Variants in PLCL2 observed in about 807,000 individuals in gnomAD.
PLCL2 encodes phospholipase C like 2.
In PLCL2, 4 loss-of-function variants were observed where a neutral mutation model predicts 79.6. The ratio of observed to expected loss-of-function variants is 0.05; its 90% CI spans 0.02 to 0.11. The LOEUF (loss-of-function observed/expected upper bound fraction) is 0.11. PLCL2 is among the 10% of genes least tolerant of loss of function. PLCL2 has a pLI of 1.00. For synonymous variants in PLCL2, 484 were observed against 457.7 expected, an observed-to-expected ratio of 1.06 and a Z score of -0.73; for missense variants, 895 against 1,291.0, an observed-to-expected ratio of 0.69 and a Z score of 4.70.
chr3:16,929,577 A>T (rs564272108), intron 1 of PLCL2, among the ~76,000 whole-genome samples: 4 of 152,288 alleles, frequency 2.6e-5, no homozygotes, highest in Admixed American at 6.5e-5. Flanking sequence ...CTGTGCACAG[A>T]TAGAACTTCC....
chr3:16,900,179 G>C (rs1411106321), intron 1 of PLCL2, among the ~76,000 whole-genome samples: 2 of 152,146 alleles, frequency 1.3e-5, no homozygotes, highest in Admixed American at 6.5e-5. Context: ...AGCAGTGACT[G>C]TTTACTAAAG....
chr3:17,080,726 C>T (rs1028522734), intron 5 of PLCL2, among the ~76,000 whole-genome samples: 1 of 152,234 alleles, frequency 6.6e-6, no homozygotes, highest in Non-Finnish European at 1.5e-5. Flanking sequence ...GCTGGGATTA[C>T]AGGTGTGAGC....
intron 5 of PLCL2, among the ~76,000 whole-genome samples, chr3:17,087,734 T>C (rs1645751613): frequency 6.6e-6 from 1 of 152,136 alleles, no homozygotes; most frequent in South Asian, 2.1e-4. Flanking sequence ...TAGAGAAGGT[T>C]TGCGTAGGGA....
At chr3:17,023,990 C>G (rs943518836) in intron 3 of PLCL2, among the ~76,000 whole-genome samples, 2 of 152,184 alleles carry the variant, frequency 1.3e-5, no homozygotes, top group African/African-American at 4.8e-5. Flanking sequence ...CAGCCTTTCC[C>G]TCTCTGCTGC....
At chr3:17,044,251 A>C (rs939070784) in intron 4 of PLCL2, 2 of 152,442 alleles carry the variant, frequency 1.3e-5, no homozygotes, top group Non-Finnish European at 2.9e-5. Context: ...GAGGAAGGGA[A>C]GGGATGGTGA....
intron 1 of PLCL2, among the ~76,000 whole-genome samples, chr3:17,002,779 A>T (rs1199692043): frequency 6.6e-6 from 1 of 152,140 alleles, no homozygotes; most frequent in Non-Finnish European, 1.5e-5. Flanking sequence ...TTCTAAAAAA[A>T]ATATGTATAT....
chr3:17,057,455 G>A (rs545336744), intron 4 of PLCL2, among the ~76,000 whole-genome samples: 1 of 152,296 alleles, frequency 6.6e-6, no homozygotes, highest in East Asian at 1.9e-4. Flanking sequence ...CCCAGAAAAA[G>A]AATGTGAATG....
At chr3:17,080,582 C>T (rs1387731035) in intron 5 of PLCL2, among the ~76,000 whole-genome samples, 1 of 152,130 alleles carries the variant, frequency 6.6e-6, no homozygotes, top group African/African-American at 2.4e-5. Context: ...TCCCGAGTAG[C>T]TGGGATTACA....
intron 5 of PLCL2, among the ~76,000 whole-genome samples, chr3:17,089,141 G>A (rs2065249433): frequency 6.6e-6 from 1 of 152,170 alleles, no homozygotes; most frequent in Non-Finnish European, 1.5e-5. Flanking sequence ...TGACTTCCTG[G>A]TGGTGCTGGT....
chr3:16,930,906 C>T (rs188053923), intron 1 of PLCL2, among the ~76,000 whole-genome samples: 79 of 152,258 alleles, frequency 5.2e-4, no homozygotes, highest in Non-Finnish European at 7.2e-4. Context: ...TGCTAACTCC[C>T]GTGTACATTT....
chr3:17,066,641 G>A (rs1004243313), intron 4 of PLCL2, among the ~76,000 whole-genome samples: 3 of 151,986 alleles, frequency 2.0e-5, no homozygotes, highest in African/African-American at 4.8e-5. Flanking sequence ...CCTTCAGTAG[G>A]GGACTGGTTA....
intron 1 of PLCL2, among the ~76,000 whole-genome samples, chr3:16,914,347 A>G (rs1373696489): frequency 6.6e-6 from 1 of 152,256 alleles, no homozygotes; most frequent in Non-Finnish European, 1.5e-5. Context: ...AAACACTAAT[A>G]TGATCTAAGA....
intron 1 of PLCL2, among the ~76,000 whole-genome samples, chr3:16,888,074 C>G (rs1225914431): frequency 6.6e-6 from 1 of 152,114 alleles, no homozygotes; most frequent in Non-Finnish European, 1.5e-5. Flanking sequence ...TAGCTTTCAT[C>G]TTCATTACAG....
chr3:16,940,191 G>T (rs4685405), intron 1 of PLCL2, among the ~76,000 whole-genome samples: 33,590 of 151,964 alleles, frequency 0.22, 4,173 homozygotes, highest in East Asian at 0.54. Flanking sequence ...GTTCTGACTC[G>T]TGCCCTTTCC....
chr3:16,973,355 C>CTT (rs57892589), intron 1 of PLCL2, among the ~76,000 whole-genome samples: 94 of 137,738 alleles, frequency 6.8e-4, no homozygotes, highest in South Asian at 9.2e-4. Context: ...CTGCCTTTAA[C>CTT]TTTTTTTTTT....
At chr3:16,962,661 A>G (rs1051475425) in intron 1 of PLCL2, among the ~76,000 whole-genome samples, 3 of 152,198 alleles carry the variant, frequency 2.0e-5, no homozygotes, top group Non-Finnish European at 4.4e-5. Context: ...TTCAAATCAG[A>G]GGGGAGCAAA....
intron 1 of PLCL2, among the ~76,000 whole-genome samples, chr3:16,910,890 A>G (rs1391495647): frequency 2.6e-5 from 4 of 152,122 alleles, no homozygotes; most frequent in Admixed American, 6.5e-5. Flanking sequence ...AAGTCTATCA[A>G]CAAACACTTT....
At chr3:17,024,957 G>T (rs1334944813) in intron 3 of PLCL2, among the ~76,000 whole-genome samples, 2 of 152,138 alleles carry the variant, frequency 1.3e-5, no homozygotes, top group African/African-American at 4.8e-5. Context: ...AGAAACCTGG[G>T]CGCTTCATGA....
At chr3:17,072,489 C>G (rs1056245627) in intron 5 of PLCL2, among the ~76,000 whole-genome samples, 1 of 151,720 alleles carries the variant, frequency 6.6e-6, no homozygotes, top group Non-Finnish European at 1.5e-5. Flanking sequence ...GCCAACATGA[C>G]GAAACCCCGT....
Sources: gnomAD v4.1 joint callset for allele counts (sites outside exome capture counted in the v4.1 genomes callset) on GRCh38, gnomAD v4.1.1 for gene constraint, MANE v1.5 for transcripts, NCBI Gene and HGNC (gene_info 2026-07-23, HGNC 2026-07-21) for gene names.